Variants in KDM2A observed in about 807,000 individuals in gnomAD.
KDM2A encodes the protein lysine-specific demethylase 2A.
In KDM2A, 3 loss-of-function variants were observed where a neutral mutation model predicts 137.3. The observed-to-expected ratio is 0.02, with a 90% CI of 0.01 to 0.06. The LOEUF (loss-of-function observed/expected upper bound fraction) is 0.06, where lower values mean the gene tolerates loss of function less well. Ranked by LOEUF, KDM2A falls within the 10% of genes least tolerant of loss-of-function variation. KDM2A has a pLI of 1.00. For synonymous variants in KDM2A, 512 were observed against 541.5 expected (o/e 0.95, Z 0.76); for missense variants, 738 against 1,510.6 (o/e 0.49, Z 8.48).
intron 2 of KDM2A, among the ~76,000 whole-genome samples, chr11:67,179,208 A>T (rs1025014550): frequency 6.6e-6 from 1 of 152,192 alleles, no homozygotes; most frequent in African/African-American, 2.4e-5. Flanking sequence ...CTTTGGAAAG[A>T]CATGTTATCT....
At chr11:67,194,945 G>A (rs1220864487) in intron 5 of KDM2A, among the ~76,000 whole-genome samples, 1 of 152,070 alleles carries the variant, frequency 6.6e-6, no homozygotes, top group African/African-American at 2.4e-5. Flanking sequence ...TTTTTGGATT[G>A]GCTTCTCAAT....
intron 5 of KDM2A, among the ~76,000 whole-genome samples, chr11:67,185,507 T>C (rs1454571765): frequency 2.0e-5 from 3 of 151,946 alleles, no homozygotes; most frequent in Admixed American, 2.0e-4. Context: ...TGGGCCCCTG[T>C]AATCCCAGCT....
intron 17 of KDM2A, among the ~76,000 whole-genome samples, chr11:67,251,940 A>T (rs996678187): frequency 2.6e-5 from 4 of 152,172 alleles, no homozygotes; most frequent in African/African-American, 9.7e-5. Context: ...GGCACATCAG[A>T]TTCCCGTTAT....
intron 9 of KDM2A, 109 bp downstream of exon 9, chr11:67,217,993 C>T: frequency 1.0e-6 from 1 of 978,916 alleles, no homozygotes; most frequent in South Asian, 1.7e-5. Context: ...CTGCAGAAAA[C>T]AACAGTGTTT....
chr11:67,249,696 C>T (rs955043071), intron 16 of KDM2A, among the ~76,000 whole-genome samples: 2 of 152,156 alleles, frequency 1.3e-5, no homozygotes, highest in African/African-American at 4.8e-5. Context: ...TGGAGTCAAA[C>T]TTAGACTGTG....
chr11:67,156,326 T>G (rs1220870439), intron 2 of KDM2A, among the ~76,000 whole-genome samples: 3 of 151,964 alleles, frequency 2.0e-5, no homozygotes, highest in Non-Finnish European at 4.4e-5. Flanking sequence ...GGCTCACGCC[T>G]GTAATCCCAA....
chr11:67,132,452 T>G (rs1377172645), intron 2 of KDM2A, among the ~76,000 whole-genome samples: 1 of 151,960 alleles, frequency 6.6e-6, no homozygotes, highest in African/African-American at 2.4e-5. Flanking sequence ...CCCGGCTAAT[T>G]TTTTGTATTT....
intron 12 of KDM2A, among the ~76,000 whole-genome samples, chr11:67,242,233 C>T (rs1387619012): frequency 6.6e-6 from 1 of 151,904 alleles, no homozygotes; most frequent in African/African-American, 2.4e-5. Context: ...TCCTTTCCCC[C>T]ATTTAGAGGA....
At chr11:67,176,095 T>G (rs1283195534) in intron 2 of KDM2A, among the ~76,000 whole-genome samples, 1 of 152,208 alleles carries the variant, frequency 6.6e-6, no homozygotes, top group African/African-American at 2.4e-5. Flanking sequence ...TTTTGAACTG[T>G]GATTTGTGGC....
chr11:67,211,529 G>A (rs185647533), intron 6 of KDM2A, among the ~76,000 whole-genome samples: 85 of 137,936 alleles, frequency 6.2e-4, no homozygotes, highest in African/African-American at 1.9e-3. Context: ...TGGGAGAATC[G>A]CTTGAAACCA....
intron 10 of KDM2A, among the ~76,000 whole-genome samples, chr11:67,226,007 G>A (rs547324248): frequency 5.3e-5 from 8 of 152,294 alleles, no homozygotes; most frequent in Admixed American, 3.3e-4. Context: ...GGAGGTTGCA[G>A]TGAGCCAAGA....
intron 11 of KDM2A, among the ~76,000 whole-genome samples, chr11:67,228,563 G>C (rs970562662): frequency 6.6e-6 from 1 of 151,628 alleles, no homozygotes; most frequent in African/African-American, 2.4e-5. Context: ...ATGGTGGCTC[G>C]AGTCCCAGCT....
rs1859649072 is a variant in KDM2A, at chr11:67,257,449, G to C, written c.*2394G>C. ...CTCTGTTGGGGGACAGAGGAACCTG[G>C]GGAGTCCATCGCATGTCCTACAATC... is the stretch of plus-strand genomic sequence containing the variant. On this transcript the variant is annotated 3_prime_UTR_variant, in exon 21 of 21. Coordinates refer to ENST00000529006, the MANE Select transcript of KDM2A (RefSeq NM_012308.3). The C allele has an allele frequency of 6.6e-6, 1 of 152,518 alleles. No individual in the cohort carries two copies. Among genetic ancestry groups the C allele is most frequent in the South Asian group, 2.1e-4 (1 of 4,822 alleles). 9.4% of individuals were successfully genotyped at this position (152,518 alleles called of 1,614,324 possible).
intron 5 of KDM2A, among the ~76,000 whole-genome samples, chr11:67,193,982 A>G (rs986330624): frequency 7.2e-5 from 11 of 152,222 alleles, no homozygotes; most frequent in Admixed American, 3.9e-4. Flanking sequence ...TGCTGAGATT[A>G]TAGGCGTAAT....
chr11:67,257,024 G>T lies in KDM2A; in HGVS notation c.*1969G>T, dbSNP rs1009066877. 6.6e-6 allele frequency: 1 copy of T among 152,536 alleles called. No homozygotes were observed. The highest frequency in any genetic ancestry group is 1.5e-5 in the Non-Finnish European group (1 of 68,036). 9.4% of individuals were successfully genotyped at this position (152,536 alleles called of 1,614,324 possible). On this transcript the variant is annotated 3_prime_UTR_variant, in exon 21 of 21. Coordinates refer to ENST00000529006, the MANE Select transcript of KDM2A (RefSeq NM_012308.3). ...GAGCAAAAACCTTATTATCGTTAATGACCTATAATTGGAAGCTTCCTGCCT... is the reference window on the plus strand; with the variant it reads ...GAGCAAAAACCTTATTATCGTTAATTACCTATAATTGGAAGCTTCCTGCCT...
At chr11:67,168,722 G>GGCA (rs1473056438) in intron 2 of KDM2A, among the ~76,000 whole-genome samples, 2 of 151,410 alleles carry the variant, frequency 1.3e-5, no homozygotes, top group African/African-American at 4.9e-5. Flanking sequence ...TGTGTGACCT[G>GGCA]GCAGCAGTGC....
At chr11:67,207,447 T>C (rs1170198161) in intron 5 of KDM2A, 63 bp from the exon 6 acceptor site, 4 of 1,258,384 alleles carry the variant, frequency 3.2e-6, no homozygotes, top group East Asian at 2.6e-5. Flanking sequence ...TTAAAAAATA[T>C]TCTTACTATA....
intron 2 of KDM2A, among the ~76,000 whole-genome samples, chr11:67,129,496 AG>A (rs1418570119): frequency 6.6e-6 from 1 of 152,140 alleles, no homozygotes; most frequent in East Asian, 1.9e-4. Flanking sequence ...GCACTTTGGA[AG>A]GCCGAGGCGG....
chr11:67,195,360 C>A (rs1157597805), intron 5 of KDM2A, among the ~76,000 whole-genome samples: 2 of 112,298 alleles, frequency 1.8e-5, no homozygotes, highest in East Asian at 2.7e-4. Context: ...TCGAGTGAGA[C>A]TCCGTCTCCA....
Sources: allele counts gnomAD v4.1 joint callset (sites outside exome capture counted in the v4.1 genomes callset), GRCh38; gene constraint gnomAD v4.1.1; transcripts MANE v1.5; gene names NCBI Gene and HGNC (gene_info 2026-07-23, HGNC 2026-07-21).